Variants in SLC30A8 observed in about 807,000 individuals in gnomAD.
The protein encoded by SLC30A8 is proton-coupled zinc antiporter SLC30A8.
In SLC30A8, 27 loss-of-function variants were observed where a neutral mutation model predicts 36.9. The ratio of observed to expected loss-of-function variants is 0.73; its 90% confidence interval spans 0.54 to 1.01. SLC30A8 has a LOEUF of 1.01. Ranked by LOEUF, SLC30A8 falls within the 50% of genes least tolerant of loss-of-function variation. The pLI, the probability that SLC30A8 is intolerant of heterozygous loss-of-function variation, is 0.00. For synonymous variants in SLC30A8, 164 were observed against 172.4 expected, an observed-to-expected ratio of 0.95 and a Z score of 0.38; for missense variants, 439 against 452.0, an observed-to-expected ratio of 0.97 and a Z score of 0.26.
intron 2 of SLC30A8, among the ~76,000 whole-genome samples, chr8:117,072,608 CCTA>C (rs1818364202): frequency 6.6e-6 from 1 of 152,094 alleles, no homozygotes; most frequent in African/African-American, 2.4e-5. Context: ...TTCACAATAT[CCTA>C]CTTTTTTCTC....
At position 117,022,063 on chromosome 8, in the gene SLC30A8, A is replaced by G. The variant is rs191403475; in HGVS notation, c.-265-17156A>G. ...AAATACAAAAAAATTAGCCGGGCATAGTGGCCGGCACCTGTAGTCCCAGCT... is the reference window on the plus strand; with the variant it reads ...AAATACAAAAAAATTAGCCGGGCATGGTGGCCGGCACCTGTAGTCCCAGCT... On this transcript the variant is annotated intron_variant, in intron 1 of 10. Coordinates refer to the SLC30A8 transcript ENST00000427715. Among the ~76,000 whole-genome samples the G allele has an allele frequency of 4.5e-3, 688 of 152,030 alleles. 6 individuals carry two copies. Among genetic ancestry groups the G allele is most frequent in the African/African-American group, 0.016 (658 of 41,466 alleles).
chr8:116,959,906 A>G (rs893060403), intron 1 of SLC30A8, among the ~76,000 whole-genome samples: 13 of 152,208 alleles, frequency 8.5e-5, no homozygotes, highest in African/African-American at 2.9e-4. Flanking sequence ...ATATCCCCTG[A>G]AGATCTTGAG....
At chr8:116,999,964 C>T (rs1815955421) in intron 1 of SLC30A8, among the ~76,000 whole-genome samples, 1 of 152,146 alleles carries the variant, frequency 6.6e-6, no homozygotes, top group African/African-American at 2.4e-5. Flanking sequence ...TCCCAGGAAG[C>T]CCTGTGACCT....
At chr8:117,152,412 TTC>T (rs1822233955) in intron 2 of SLC30A8, among the ~76,000 whole-genome samples, 1 of 152,142 alleles carries the variant, frequency 6.6e-6, no homozygotes, top group South Asian at 2.1e-4. Context: ...CCTTTCTCCT[TTC>T]TGCTCCCTGT....
intron 1 of SLC30A8, among the ~76,000 whole-genome samples, chr8:116,996,431 A>G (rs1027634032): frequency 2.0e-5 from 3 of 152,230 alleles, no homozygotes; most frequent in Non-Finnish European, 4.4e-5. Context: ...AAGTATGTAT[A>G]CATTGTAGAA....
At chr8:116,958,840 C>CCT (rs1366507634) in intron 1 of SLC30A8, among the ~76,000 whole-genome samples, 2 of 72,698 alleles carry the variant, frequency 2.8e-5, no homozygotes, top group Non-Finnish European at 5.5e-5. Context: ...ATGCTCTTTT[C>CCT]ATTTTTTTTT....
chr8:116,995,749 A>G (rs1346774239), intron 1 of SLC30A8, among the ~76,000 whole-genome samples: 1 of 152,098 alleles, frequency 6.6e-6, no homozygotes, highest in African/African-American at 2.4e-5. Flanking sequence ...AAAAGGAGCC[A>G]GGCTGGTGGG....
upstream of SLC30A8, among the ~76,000 whole-genome samples, chr8:117,133,556 C>CT (rs1019187523): frequency 4.6e-5 from 7 of 151,808 alleles, no homozygotes; most frequent in South Asian, 2.1e-4. Context: ...TTGCTTATCT[C>CT]TTTTTTTTGT....
chr8:117,074,947 C>T (rs1042269192), intron 2 of SLC30A8, among the ~76,000 whole-genome samples: 3 of 152,042 alleles, frequency 2.0e-5, no homozygotes, highest in Admixed American at 6.6e-5. Context: ...TTACAATGAA[C>T]GTCTTGGAAT....
chr8:117,162,307 G>T (rs935125698), intron 5 of SLC30A8, among the ~76,000 whole-genome samples: 3 of 152,100 alleles, frequency 2.0e-5, no homozygotes, highest in Non-Finnish European at 4.4e-5. Context: ...TCTGAAGAAT[G>T]ATATTTCTGT....
In SLC30A8 at chr8:117,026,459, G is replaced by A. The variant is rs149467252; in HGVS notation, c.-265-12760G>A. Among the ~76,000 whole-genome samples the A allele has an allele frequency of 1.4e-4, 22 of 152,240 alleles. No homozygotes were observed. The East Asian group carries it at 4.3e-3, about 29-fold the overall frequency. ...GCCTGGAAGAAATTCTTGTGTAAGA[G>A]TTTTTAGATCAATACTCAAACTAAT... is the stretch of plus-strand genomic sequence containing the variant. On this transcript the variant is annotated intron_variant, in intron 1 of 10. Coordinates refer to the SLC30A8 transcript ENST00000427715.
chr8:117,118,122 CAG>C (rs947888554), intron 2 of SLC30A8, among the ~76,000 whole-genome samples: 1 of 147,474 alleles, frequency 6.8e-6, no homozygotes, highest in Non-Finnish European at 1.5e-5. Flanking sequence ...AAATTTAACT[CAG>C]AAACATTTTG....
chr8:116,957,311 A>G (rs1384184916), intron 1 of SLC30A8, among the ~76,000 whole-genome samples: 1 of 151,354 alleles, frequency 6.6e-6, no homozygotes, highest in Non-Finnish European at 1.5e-5. Context: ...AAGTCTCGCT[A>G]TGTAGCCCAG....
At chr8:117,170,699 C>G (rs1411191089) in intron 6 of SLC30A8, among the ~76,000 whole-genome samples, 1 of 152,046 alleles carries the variant, frequency 6.6e-6, no homozygotes, top group Non-Finnish European at 1.5e-5. Flanking sequence ...TTATTTGATA[C>G]CAAATTTCAT....
chr8:116,953,790 A>T (rs10955798), intron 1 of SLC30A8, among the ~76,000 whole-genome samples: 220 of 152,104 alleles, frequency 1.4e-3, no homozygotes, highest in Admixed American at 2.4e-3. Flanking sequence ...TTTATTTCTG[A>T]TTTAATCAAA....
At chr8:117,126,538 C>T (rs1820909954) in intron 2 of SLC30A8, among the ~76,000 whole-genome samples, 1 of 147,520 alleles carries the variant, frequency 6.8e-6, no homozygotes, top group Non-Finnish European at 1.5e-5. Context: ...CATCCATCAT[C>T]CACCAACCCA....
chr8:117,138,079 A>G (rs1296792366), intron 1 of SLC30A8, among the ~76,000 whole-genome samples: 78 of 147,506 alleles, frequency 5.3e-4, no homozygotes, highest in African/African-American at 1.9e-3. Context: ...AAAAAAAAAA[A>G]AGAAAAAGAA....
intron 5 of SLC30A8, 106 bp downstream of exon 5, chr8:117,161,994 A>ACTT: frequency 1.0e-6 from 1 of 984,690 alleles, no homozygotes. Context: ...CTGTTTACCT[A>ACTT]TACAAACTAC....
chr8:116,994,853 T>G (rs1411022105), intron 1 of SLC30A8, among the ~76,000 whole-genome samples: 3 of 152,120 alleles, frequency 2.0e-5, no homozygotes, highest in African/African-American at 7.3e-5. Flanking sequence ...AAATGACTTG[T>G]GTGTATGTTT....
Sources: gnomAD v4.1 joint callset for allele counts (sites outside exome capture counted in the v4.1 genomes callset) on GRCh38, gnomAD v4.1.1 for gene constraint, MANE v1.5 for transcripts, NCBI Gene and HGNC (gene_info 2026-07-23, HGNC 2026-07-21) for gene names.